RTRAF: variants seen among roughly 807,000 people sequenced by gnomAD.
RTRAF encodes tRNA-splicing ligase complex subunit RTRAF.
Under a neutral mutation model 34.4 loss-of-function variants are expected in RTRAF, and 14 were observed. That is an observed-to-expected ratio of 0.41 (90% CI 0.27 to 0.64). RTRAF has a LOEUF of 0.64. Ranked by LOEUF, RTRAF falls within the 30% of genes least tolerant of loss-of-function variation. RTRAF has a pLI of 0.34. For missense variants in RTRAF, 291 were observed against 288.4 expected, an observed-to-expected ratio of 1.01 and a Z score of -0.06; for synonymous variants, 96 against 95.3, an observed-to-expected ratio of 1.01 and a Z score of -0.04.
At chr14:51,999,623 A>G in intron 4 of RTRAF, 85 bp from the exon 5 acceptor site, 3 of 975,250 alleles carry the variant, frequency 3.1e-6, no homozygotes. Context: ...CGAAAAGTTA[A>G]AAATGTTTTT....
At chr14:51,989,753 C>G (rs879894779) in intron 1 of RTRAF, 53 bp downstream of exon 1, 3 of 1,532,050 alleles carry the variant, frequency 2.0e-6, no homozygotes, top group Non-Finnish European at 1.8e-6. Flanking sequence ...GCGGAGGTCC[C>G]AGCCTCAGTG....
In RTRAF at chr14:51,997,596, T is replaced by C. The variant is rs142022317; in HGVS notation, c.287-898T>C. 1.0e-3 allele frequency among the ~76,000 whole-genome samples: 155 copies of C among 152,020 alleles called. 6 individuals are homozygous for C. In the East Asian group the frequency reaches 0.028, roughly 28 times the overall value. Reference sequence around the variant, plus strand: ...TTAGTGAATTATTAATAAGTGTTTTTATTTTTGAATTCCTTTGAAGTATTG... The same window carrying C: ...TTAGTGAATTATTAATAAGTGTTTTCATTTTTGAATTCCTTTGAAGTATTG... On this transcript the variant is annotated intron_variant, in intron 3 of 7. Coordinates refer to ENST00000261700, the MANE Select transcript of RTRAF (RefSeq NM_016039.3).
Position 52,001,560 on chromosome 14 carries a change from A to G in RTRAF, c.463-238A>G, listed in dbSNP as rs372042100. On this transcript the variant is annotated intron_variant, in intron 5 of 7. Transcript: ENST00000261700. ...TTTTTACCAGTCACGTGCATTACCT[A>G]TTCAAAAAATGGTTTTAATTGTTGC... 1.3e-3 allele frequency among the ~76,000 whole-genome samples: 204 copies of G among 152,336 alleles called. 10 individuals carry two copies. The South Asian group carries it at 0.041, about 31-fold the overall frequency.
At chr14:52,001,691 G>T in intron 5 of RTRAF, 107 bp from the exon 6 acceptor site, 1 of 779,422 alleles carries the variant, frequency 1.3e-6, no homozygotes, top group Non-Finnish European at 2.1e-6. Flanking sequence ...ATGAACTTAG[G>T]TAATTCTGAC....
rs1890717590 is a variant in RTRAF at position 52,005,225 on chromosome 14, A to AAGTTGCTTTAAT, written c.*711_*722dup. On this transcript the variant is annotated 3_prime_UTR_variant, in exon 8 of 8. Coordinates refer to ENST00000261700, the MANE Select transcript of RTRAF (RefSeq NM_016039.3). ...AATATTAATGATAAATGTTTACAAG[A>AAGTTGCTTTAAT]AGTTGCTTTAATAAGCAACAGTTAA... is the stretch of plus-strand genomic sequence containing the variant. The AAGTTGCTTTAAT allele has an allele frequency of 1.4e-5, 5 of 358,406 alleles. No homozygotes were observed. The highest frequency in any genetic ancestry group is 7.4e-4 in the Middle Eastern group (1 of 1,350). The allele number at this position is 358,406 out of a possible 1,614,324, so 22.2% of individuals were successfully genotyped here.
Position 52,010,651 on chromosome 14 carries a change from C to G in RTRAF, c.*6135C>G, listed in dbSNP as rs548297576. On this transcript the variant is annotated 3_prime_UTR_variant, in exon 8 of 8. Transcript: ENST00000261700. ...ACATCACAGACTAATATTGTTTATA[C>G]CAGTCTTGTTTCCTCCTAATAAAAT... 1.0e-5 allele frequency: 5 copies of G among 486,088 alleles called. No homozygotes were observed. 30.1% of individuals were successfully genotyped at this position (486,088 alleles called of 1,614,324 possible). A position where few individuals can be genotyped will look rare whatever the true frequency, so the allele number is the denominator to read the frequency against.
chr14:51,993,763 G>C lies in RTRAF; in HGVS notation c.227G>C (p.Arg76Pro). 1 of 1,603,498 alleles carries C rather than the reference G, an allele frequency of 6.2e-7. No homozygotes were observed. The highest frequency in any genetic ancestry group is 1.1e-5 in the South Asian group (1 of 89,122). ...AACTGTCCTTTCAAGATTCAAGATC[G>C]ACAAGAAGCTATTGACTGGCTTCTT... ...DVNCPFKIQDRQEAIDWLLGL... is the reference protein window; with the variant it reads ...DVNCPFKIQDPQEAIDWLLGL... The change falls in exon 3 of 8, where the codon CGA becomes CCA. Residue 76 changes from arginine to proline, a missense_variant. By Grantham distance (103) the Arg-to-Pro change is moderately radical. Coordinates refer to ENST00000261700, the MANE Select transcript of RTRAF (RefSeq NM_016039.3).
At chr14:51,990,138 G>T (rs557109542) in intron 1 of RTRAF, among the ~76,000 whole-genome samples, 217 of 152,268 alleles carry the variant, frequency 1.4e-3, no homozygotes, top group African/African-American at 4.9e-3. Flanking sequence ...CTAAAGGGAC[G>T]AGGGGTGGAA....
intron 5 of RTRAF, among the ~76,000 whole-genome samples, chr14:52,001,313 C>T (rs537053366): frequency 9.2e-5 from 14 of 152,174 alleles, no homozygotes; most frequent in African/African-American, 3.4e-4. Context: ...CAACGGTGTC[C>T]TTTGAAAGGT....
chr14:51,996,561 A>G (rs1193777594), intron 3 of RTRAF, among the ~76,000 whole-genome samples: 3 of 152,066 alleles, frequency 2.0e-5, no homozygotes. Context: ...ATATACCTCA[A>G]GTCTACAAAT....
chr14:51,998,393 C>CA lies in RTRAF; in HGVS notation c.287-99dup, dbSNP rs1412382740. On this transcript the variant is annotated intron_variant, in intron 3 of 7. Transcript: ENST00000261700. ...ATTGGCATTTCCAGTAAGGGAAACT[C>CA]AACCTGTAATCATTTTGGCTCAGTT... 2.4e-5 allele frequency: 15 copies of CA among 613,590 alleles called. No individual in the cohort carries two copies. The East Asian group carries it at 4.3e-4, about 17-fold the overall frequency. The allele number at this position is 613,590 out of a possible 1,614,324, so 38.0% of individuals were successfully genotyped here.
chr14:51,993,564 T>G (rs1890469285), intron 2 of RTRAF, among the ~76,000 whole-genome samples, 159 bp from the exon 3 acceptor site: 1 of 152,196 alleles, frequency 6.6e-6, no homozygotes, highest in Non-Finnish European at 1.5e-5. Flanking sequence ...ACTTAAATGT[T>G]CCCTTCTGTT....
In RTRAF at chr14:52,004,785, C is replaced by T. The variant is rs1377309173; in HGVS notation, c.*269C>T. 2 of 297,358 alleles carry T rather than the reference C, an allele frequency of 6.7e-6. No individual in the cohort carries two copies. The highest frequency in any genetic ancestry group is 1.2e-5 in the Non-Finnish European group (2 of 163,132). The allele number at this position is 297,358 out of a possible 1,614,324, so 18.4% of individuals were successfully genotyped here. A position where few individuals can be genotyped will look rare whatever the true frequency, so the allele number is the denominator to read the frequency against. On this transcript the variant is annotated 3_prime_UTR_variant, in exon 8 of 8. Coordinates refer to ENST00000261700, the MANE Select transcript of RTRAF (RefSeq NM_016039.3). Reference sequence around the variant, plus strand: ...CCAACCCCCAGCTTTGTCCTAGAGACAATATAGATCCTTAAGTCATAGGAA... The same window carrying T: ...CCAACCCCCAGCTTTGTCCTAGAGATAATATAGATCCTTAAGTCATAGGAA...
Position 52,005,242 on chromosome 14 carries a change from AAC to A in RTRAF, c.*728_*729del, listed in dbSNP as rs528261889. 131 of 376,444 alleles carry A rather than the reference AAC, an allele frequency of 3.5e-4. No individual in the cohort carries two copies. Among genetic ancestry groups the A allele is most frequent in the Middle Eastern group, 1.4e-3 (2 of 1,442 alleles). 23.3% of individuals were successfully genotyped at this position (376,444 alleles called of 1,614,324 possible). A position where few individuals can be genotyped will look rare whatever the true frequency, so the allele number is the denominator to read the frequency against. On this transcript the variant is annotated 3_prime_UTR_variant, in exon 8 of 8. Coordinates refer to ENST00000261700, the MANE Select transcript of RTRAF (RefSeq NM_016039.3). ...TTTACAAGAAGTTGCTTTAATAAGC[AAC>A]AGTTAAAATTCTGTTACCTTTTTAA...
In RTRAF at chr14:52,002,785, A is replaced by C. The variant is rs1034815459; in HGVS notation, c.531+919A>C. Among the ~76,000 whole-genome samples the C allele has an allele frequency of 7.2e-5, 11 of 152,180 alleles. 1 individual carries two copies. In the South Asian group the frequency reaches 1.7e-3, roughly 23 times the overall value. On this transcript the variant is annotated intron_variant, in intron 6 of 7. Coordinates refer to ENST00000261700, the MANE Select transcript of RTRAF (RefSeq NM_016039.3). The stretch of plus-strand genomic sequence containing the variant: ...CCCTGCGCCCTTCCCCCATCTCCCA[A>C]TGCCTTTTGTCCTCCAGCCCCTTTA...
chr14:52,007,655 T>A lies in RTRAF; in HGVS notation c.*3139T>A. On this transcript the variant is annotated 3_prime_UTR_variant, in exon 8 of 8. Transcript: ENST00000261700. ...AACCCCAGAAAGTTCATTTTAAGACTCATTTACTAGTACTTAAATTTACTA... is the reference window on the plus strand; with the variant it reads ...AACCCCAGAAAGTTCATTTTAAGACACATTTACTAGTACTTAAATTTACTA... 2.8e-6 allele frequency: 2 copies of A among 712,034 alleles called. No homozygotes were observed. The highest frequency in any genetic ancestry group is 4.0e-4 in the Middle Eastern group (1 of 2,506). The allele number at this position is 712,034 out of a possible 1,614,324, so 44.1% of individuals were successfully genotyped here.
At chr14:51,991,286 C>T (rs774861619) in intron 1 of RTRAF, 31 bp from the exon 2 acceptor site, 6 of 1,603,410 alleles carry the variant, frequency 3.7e-6, no homozygotes, top group East Asian at 2.2e-5. Flanking sequence ...TGTAGTGCTT[C>T]TAGTTATTTA....
chr14:52,006,655 T>C lies in RTRAF; in HGVS notation c.*2139T>C. On this transcript the variant is annotated 3_prime_UTR_variant, in exon 8 of 8. Transcript: ENST00000261700. ...TCAGGTAGTGTACACTCCAGTTTTT[T>C]GGTTCCTTTTAAAACAAAGGGGGAA... is the stretch of plus-strand genomic sequence containing the variant. The C allele has an allele frequency of 6.2e-7, 1 of 1,613,374 alleles. No individual in the cohort carries two copies. Among genetic ancestry groups the C allele is most frequent in the Non-Finnish European group, 8.5e-7 (1 of 1,179,528 alleles).
rs772664233 is a variant in RTRAF, at chr14:51,993,715, C to T, written c.187-8C>T. 1.4e-5 allele frequency: 21 copies of T among 1,530,938 alleles called. No individual in the cohort carries two copies. The East Asian group carries it at 3.7e-4, about 27-fold the overall frequency. 94.8% of individuals were successfully genotyped at this position (1,530,938 alleles called of 1,614,324 possible). A position where few individuals can be genotyped will look rare whatever the true frequency, so the allele number is the denominator to read the frequency against. On this transcript the variant is annotated splice_region_variant and splice_polypyrimidine_tract_variant and intron_variant, in intron 2 of 7. Transcript: ENST00000261700. ...AAACTGGTGGTTTTCTTTTCTTCCCCCTCACAGTATCTCAGAGATGTTAAC... is the reference window on the plus strand; with the variant it reads ...AAACTGGTGGTTTTCTTTTCTTCCCTCTCACAGTATCTCAGAGATGTTAAC...
Sources: allele counts gnomAD v4.1 joint callset (sites outside exome capture counted in the v4.1 genomes callset), GRCh38; gene constraint gnomAD v4.1.1; transcripts MANE v1.5; gene names NCBI Gene and HGNC (gene_info 2026-07-23, HGNC 2026-07-21).